OR2G6: variants seen among roughly 807,000 people sequenced by gnomAD.
OR2G6 encodes the protein olfactory receptor 2G6.
For synonymous variants in OR2G6, 183 were observed against 155.2 expected, an observed-to-expected ratio of 1.18 and a Z score of -1.33; for missense variants, 457 against 391.3, an observed-to-expected ratio of 1.17 and a Z score of -1.42.
chr1:248,522,627 C>G lies in OR2G6; in HGVS notation c.*30C>G. 2 of 1,451,168 alleles carry G rather than the reference C, an allele frequency of 1.4e-6. No individual in the cohort carries two copies. Among genetic ancestry groups the G allele is most frequent in the Non-Finnish European group, 1.9e-6 (2 of 1,064,026 alleles). The allele number at this position is 1,451,168 out of a possible 1,614,324, so 89.9% of individuals were successfully genotyped here. A position where few individuals can be genotyped will look rare whatever the true frequency, so the allele number is the denominator to read the frequency against. ...CACCTGGAATTCTAAACAAGGGAAA[C>G]ACCTCAAGGCAGAGTGAGGGTTCAT... On this transcript the variant is annotated 3_prime_UTR_variant, in exon 2 of 2. Coordinates refer to ENST00000641804, the MANE Select transcript of OR2G6 (RefSeq NM_001013355.2).
At position 248,525,386 on chromosome 1, in the gene OR2G6, A is replaced by C. The variant is rs150544691; in HGVS notation, c.*2789A>C. The C allele has an allele frequency of 1.1e-3, 169 of 152,310 alleles. No individual in the cohort carries two copies. Among genetic ancestry groups the C allele is most frequent in the African/African-American group, 3.9e-3 (161 of 41,584 alleles). The allele number at this position is 152,310 out of a possible 1,614,324, so 9.4% of individuals were successfully genotyped here. ...ATTGCAATTATTTAAAAACTATACAATGAGAATGCTGTAATAAGTATATGG... is the reference window on the plus strand; with the variant it reads ...ATTGCAATTATTTAAAAACTATACACTGAGAATGCTGTAATAAGTATATGG... On this transcript the variant is annotated 3_prime_UTR_variant, in exon 2 of 2. Coordinates refer to ENST00000641804, the MANE Select transcript of OR2G6 (RefSeq NM_001013355.2).
At chr1:248,521,040 TAAAAAAAAAAAAA>T (rs56891856) in intron 1 of OR2G6, among the ~76,000 whole-genome samples, 2 of 83,948 alleles carry the variant, frequency 2.4e-5, no homozygotes, top group South Asian at 5.3e-4. Flanking sequence ...AGATTCCATC[TAAAAAAAAAAAAA>T]AAAAAAAAAA....
Position 248,522,557 on chromosome 1 carries a change from T to TGA in OR2G6, c.912_913dup (p.Ile305ArgfsTer20). 1 of 1,613,392 alleles carries TGA rather than the reference T, an allele frequency of 6.2e-7. No homozygotes were observed. ...GATGTGAAAGGGGCCTTGAGGACCC[T>TGA]GATACTGGGTAGTGCTGCTGGACAA... On this transcript the variant is annotated frameshift_variant, in exon 2 of 2. Transcript: ENST00000641804. LOFTEE classifies it low-confidence loss of function (END_TRUNC).
rs73149446 is a variant in OR2G6 at position 248,524,576 on chromosome 1, C to T, written c.*1979C>T. On this transcript the variant is annotated 3_prime_UTR_variant, in exon 2 of 2. Transcript: ENST00000641804. The stretch of plus-strand genomic sequence containing the variant: ...TCAATCAATTTACATGGAATATGGC[C>T]CCAGGGCAAAAGATGTGGCATTTAA... 0.026 allele frequency: 3,894 copies of T among 152,130 alleles called. 153 individuals carry two copies. Among genetic ancestry groups the T allele is most frequent in the African/African-American group, 0.088 (3,670 of 41,510 alleles). The allele number at this position is 152,130 out of a possible 1,614,324, so 9.4% of individuals were successfully genotyped here. A position where few individuals can be genotyped will look rare whatever the true frequency, so the allele number is the denominator to read the frequency against.
At chr1:248,520,943 C>T (rs1229917396) in intron 1 of OR2G6, among the ~76,000 whole-genome samples, 10 of 145,950 alleles carry the variant, frequency 6.9e-5, no homozygotes, top group Admixed American at 3.6e-4. Flanking sequence ...ACTTGGGAGG[C>T]TAAGGCAGGA....
chr1:248,523,015 A>C lies in OR2G6; in HGVS notation c.*418A>C. 5.9e-6 allele frequency: 1 copy of C among 168,862 alleles called. No individual in the cohort carries two copies. The highest frequency in any genetic ancestry group is 1.3e-5 in the Non-Finnish European group (1 of 78,266). 10.5% of individuals were successfully genotyped at this position (168,862 alleles called of 1,614,324 possible). A position where few individuals can be genotyped will look rare whatever the true frequency, so the allele number is the denominator to read the frequency against. On this transcript the variant is annotated 3_prime_UTR_variant, in exon 2 of 2. Transcript: ENST00000641804. ...ACTAATGCTTCAAAACTCAGCTGAA[A>C]TGTCACCTGCACTCACTAGCTGTCC...
Position 248,525,604 on chromosome 1 carries a change from GC to G in OR2G6, c.*3008del, listed in dbSNP as rs1664380339. The G allele has an allele frequency of 6.6e-6, 1 of 152,056 alleles. No individual in the cohort carries two copies. The highest frequency in any genetic ancestry group is 1.5e-5 in the Non-Finnish European group (1 of 68,010). The allele number at this position is 152,056 out of a possible 1,614,324, so 9.4% of individuals were successfully genotyped here. A position where few individuals can be genotyped will look rare whatever the true frequency, so the allele number is the denominator to read the frequency against. Reference sequence around the variant, plus strand: ...ATGGTCAGTAAAAAGACAAGTACCAGCTACTACAAAAAAACACCAAAATATA... The same window carrying G: ...ATGGTCAGTAAAAAGACAAGTACCAGTACTACAAAAAAACACCAAAATATA... On this transcript the variant is annotated 3_prime_UTR_variant, in exon 2 of 2. Transcript: ENST00000641804.
rs1283571704 is a variant in OR2G6, at chr1:248,524,206, G to C, written c.*1609G>C. On this transcript the variant is annotated 3_prime_UTR_variant, in exon 2 of 2. Transcript: ENST00000641804. ...CGCACACAAGAACAAAAAGGCATCA[G>C]GAGAATTCACTAATGACTCAGGCTG... 6.6e-6 allele frequency: 1 copy of C among 152,216 alleles called. No homozygotes were observed. The highest frequency in any genetic ancestry group is 1.5e-5 in the Non-Finnish European group (1 of 68,048). The allele number at this position is 152,216 out of a possible 1,614,324, so 9.4% of individuals were successfully genotyped here.
chr1:248,522,750 C>A lies in OR2G6; in HGVS notation c.*153C>A. 1 of 600,216 alleles carries A rather than the reference C, an allele frequency of 1.7e-6. No homozygotes were observed. Among genetic ancestry groups the A allele is most frequent in the Non-Finnish European group, 2.9e-6 (1 of 342,314 alleles). The allele number at this position is 600,216 out of a possible 1,614,324, so 37.2% of individuals were successfully genotyped here. A position where few individuals can be genotyped will look rare whatever the true frequency, so the allele number is the denominator to read the frequency against. On this transcript the variant is annotated 3_prime_UTR_variant, in exon 2 of 2. Transcript: ENST00000641804. Reference sequence around the variant, plus strand: ...AACACCTCAAGGCAGCGTGAGGATTCATCCTCCCCAGACATTCCTCTTGTC... The same window carrying A: ...AACACCTCAAGGCAGCGTGAGGATTAATCCTCCCCAGACATTCCTCTTGTC...
At chr1:248,521,116 T>C (rs1664276344) in intron 1 of OR2G6, among the ~76,000 whole-genome samples, 1 of 150,446 alleles carries the variant, frequency 6.6e-6, no homozygotes, top group South Asian at 2.1e-4. Flanking sequence ...TCAGCTACTC[T>C]TGAGGCTGAG....
In OR2G6 at chr1:248,522,521, T is replaced by C. The variant is rs767589901; in HGVS notation, c.875T>C (p.Leu292Pro). 5 of 1,613,230 alleles carry C rather than the reference T, an allele frequency of 3.1e-6. No individual in the cohort carries two copies. The highest frequency in any genetic ancestry group is 1.1e-5 in the South Asian group (1 of 91,080). Residue 292 changes from leucine to proline, a missense_variant, in exon 2 of 2, where the codon CTG becomes CCG. Coordinates refer to ENST00000641804, the MANE Select transcript of OR2G6 (RefSeq NM_001013355.2). The part of the protein sequence containing the change: ...TPLLNPIIYT[L>P]RNKDVKGALR... ...CTTTTAAACCCCATTATCTACACTC[T>C]GAGAAACAAAGATGTGAAAGGGGCC...
rs1051164850 is a variant in OR2G6, at chr1:248,525,515, C to A, written c.*2918C>A. On this transcript the variant is annotated 3_prime_UTR_variant, in exon 2 of 2. Coordinates refer to ENST00000641804, the MANE Select transcript of OR2G6 (RefSeq NM_001013355.2). Reference sequence around the variant, plus strand: ...TTAATGAATTCATGAAAAACAAAAACCATATAGGACCACAGCTCAGAGAAG... The same window carrying A: ...TTAATGAATTCATGAAAAACAAAAAACATATAGGACCACAGCTCAGAGAAG... 1.3e-5 allele frequency: 2 copies of A among 151,704 alleles called. No individual in the cohort carries two copies. The highest frequency in any genetic ancestry group is 2.9e-5 in the Non-Finnish European group (2 of 67,932). 9.4% of individuals were successfully genotyped at this position (151,704 alleles called of 1,614,324 possible). A position where few individuals can be genotyped will look rare whatever the true frequency, so the allele number is the denominator to read the frequency against.
At position 248,527,079 on chromosome 1, in the gene OR2G6, TG is replaced by T. The variant is rs1317128270; in HGVS notation, c.*4483del. The stretch of plus-strand genomic sequence containing the variant: ...GAAGTCCTTATCCATGCCTATGTCC[TG>T]AATGGAATTGCCTAGGTTTTCTTCT... On this transcript the variant is annotated 3_prime_UTR_variant, in exon 2 of 2. Transcript: ENST00000641804. 6.6e-6 allele frequency: 1 copy of T among 152,208 alleles called. No individual in the cohort carries two copies. Among genetic ancestry groups the T allele is most frequent in the Non-Finnish European group, 1.5e-5 (1 of 68,044 alleles). 9.4% of individuals were successfully genotyped at this position (152,208 alleles called of 1,614,324 possible). A position where few individuals can be genotyped will look rare whatever the true frequency, so the allele number is the denominator to read the frequency against.
In OR2G6 at chr1:248,523,532, A is replaced by G. The variant is rs1478743730; in HGVS notation, c.*935A>G. Reference sequence around the variant, plus strand: ...TAATTTTATACTTCAAAAATTTGAAATATGAATCCCACACACTGTCTCACG... The same window carrying G: ...TAATTTTATACTTCAAAAATTTGAAGTATGAATCCCACACACTGTCTCACG... On this transcript the variant is annotated 3_prime_UTR_variant, in exon 2 of 2. Coordinates refer to ENST00000641804, the MANE Select transcript of OR2G6 (RefSeq NM_001013355.2). The G allele has an allele frequency of 5.3e-5, 8 of 152,218 alleles. No homozygotes were observed. Among genetic ancestry groups the G allele is most frequent in the Admixed American group, 5.2e-4 (8 of 15,278 alleles). The allele number at this position is 152,218 out of a possible 1,614,324, so 9.4% of individuals were successfully genotyped here. A position where few individuals can be genotyped will look rare whatever the true frequency, so the allele number is the denominator to read the frequency against.
chr1:248,522,264 TC>T lies in OR2G6; in HGVS notation c.619del (p.Leu207Ter). ...AACTCTTTGTGGCCAGTGTAGTCTT[TC>T]TAATTGTCCCGGTGTTACTCATCTT... is the stretch of plus-strand genomic sequence containing the variant. ...AELFVASVVF[L>X]IVPVLLILVS... On this transcript the variant is annotated frameshift_variant, in exon 2 of 2. Coordinates refer to ENST00000641804, the MANE Select transcript of OR2G6 (RefSeq NM_001013355.2). LOFTEE classifies it low-confidence loss of function (END_TRUNC). The T allele has an allele frequency of 6.2e-7, 1 of 1,614,158 alleles. No homozygotes were observed. Among genetic ancestry groups the T allele is most frequent in the South Asian group, 1.1e-5 (1 of 91,082 alleles).
Position 248,521,709 on chromosome 1 carries a change from T to C in OR2G6, c.63T>C (p.Pro21=). Residue 21 remains proline (P), a synonymous_variant, in exon 2 of 2, where the codon CCT becomes CCC. Coordinates refer to ENST00000641804, the MANE Select transcript of OR2G6 (RefSeq NM_001013355.2). ...TTCTCCTGGGATTTTCAGATCAGCC[T>C]CAGCTAGAGAGGTTTCTTTTTGCCA... The part of the protein sequence containing the change: ...GFLLLGFSDQ[P]QLERFLFAII... 1 of 1,614,166 alleles carries C rather than the reference T, an allele frequency of 6.2e-7. No homozygotes were observed. Among genetic ancestry groups the C allele is most frequent in the Non-Finnish European group, 8.5e-7 (1 of 1,180,010 alleles).
Position 248,522,310 on chromosome 1 carries a change from A to AAG in OR2G6, c.664_665insAG (p.Thr222LysfsTer6), listed in dbSNP as rs1664308251. On this transcript the variant is annotated frameshift_variant, in exon 2 of 2. Coordinates refer to ENST00000641804, the MANE Select transcript of OR2G6 (RefSeq NM_001013355.2). LOFTEE classifies it low-confidence loss of function (END_TRUNC). ...CATCTTAGTCTCCTATGGCTTTATC[A>AAG]CTCAAGCTGTGTTAAGGATAAAATC... 1.2e-6 allele frequency: 2 copies of AAG among 1,613,828 alleles called. No individual in the cohort carries two copies. Among genetic ancestry groups the AAG allele is most frequent in the African/African-American group, 1.3e-5 (1 of 74,840 alleles).
chr1:248,519,660 C>T (rs191644444), intron 1 of OR2G6, among the ~76,000 whole-genome samples: 47 of 152,148 alleles, frequency 3.1e-4, no homozygotes, highest in Non-Finnish European at 8.8e-5. Flanking sequence ...GGTGTTATTT[C>T]CGAGGCCTCT....
rs552374686 is a variant in OR2G6, at chr1:248,522,055, C to T, written c.409C>T (p.His137Tyr). 17 of 1,614,066 alleles carry T rather than the reference C, an allele frequency of 1.1e-5. 1 individual carries two copies. In the South Asian group the frequency reaches 1.4e-4, roughly 14 times the overall value. The change falls in exon 2 of 2, where the codon CAC becomes TAC. Residue 137 changes from histidine to tyrosine, a missense_variant. Physicochemically the swap from His to Tyr is moderately conservative, Grantham distance 83. Coordinates refer to ENST00000641804, the MANE Select transcript of OR2G6 (RefSeq NM_001013355.2). The part of the protein sequence containing the change: ...CRPLRYIAIM[H>Y]PRFCASLAGG... ...GCCACTGCGCTACATAGCCATTATGCACCCCAGGTTCTGTGCGTCTCTGGC... is the reference window on the plus strand; with the variant it reads ...GCCACTGCGCTACATAGCCATTATGTACCCCAGGTTCTGTGCGTCTCTGGC...
Sources: allele counts gnomAD v4.1 joint callset (sites outside exome capture counted in the v4.1 genomes callset), GRCh38; gene constraint gnomAD v4.1.1; transcripts MANE v1.5; gene names NCBI Gene and HGNC (gene_info 2026-07-23, HGNC 2026-07-21).